Variants in PTPRA observed in about 807,000 individuals in gnomAD.
PTPRA encodes the protein receptor-type tyrosine-protein phosphatase alpha.
PTPRA carries 25 observed loss-of-function variants against 104.8 expected under a neutral mutation model. The ratio of observed to expected loss-of-function variants is 0.24; its 90% CI spans 0.17 to 0.33. The LOEUF is 0.33. Among genes scored for constraint, PTPRA ranks in the 10% least tolerant of loss-of-function variants. The probability of loss-of-function intolerance (pLI) is 1.00; values close to 1 mark genes in which losing one functional copy is unlikely to be tolerated. For missense variants in PTPRA, 765 were observed against 1,015.3 expected, an observed-to-expected ratio of 0.75 and a Z score of 3.35; for synonymous variants, 323 against 368.9, an observed-to-expected ratio of 0.88 and a Z score of 1.43.
At chr20:3,008,740 AAAAAC>A (rs2063996905) in intron 11 of PTPRA, among the ~76,000 whole-genome samples, 5 of 118,894 alleles carry the variant, frequency 4.2e-5, no homozygotes, top group South Asian at 2.6e-4. Flanking sequence ...AAAAAAAAAA[AAAAAC>A]AAAAAAAAAA....
chr20:2,878,347 G>T (rs1371585974), intron 1 of PTPRA, among the ~76,000 whole-genome samples: 1 of 151,728 alleles, frequency 6.6e-6, no homozygotes, highest in Non-Finnish European at 1.5e-5. Flanking sequence ...TGAATAGCTG[G>T]GACTGCACAG....
intron 11 of PTPRA, among the ~76,000 whole-genome samples, chr20:3,009,722 C>A (rs1351673237): frequency 6.6e-6 from 1 of 151,978 alleles, no homozygotes; most frequent in Non-Finnish European, 1.5e-5. Context: ...GAACTTACAT[C>A]GAAGATCATG....
At chr20:3,002,596 G>A (rs2063684986) in intron 9 of PTPRA, among the ~76,000 whole-genome samples, 1 of 152,026 alleles carries the variant, frequency 6.6e-6, no homozygotes, top group South Asian at 2.1e-4. Context: ...CAAAGTGCTG[G>A]GATTACAGGC....
At chr20:2,866,534 A>G in the PTPRA span, 20 of 1,614,196 alleles carry the variant, frequency 1.2e-5, no homozygotes, top group Non-Finnish European at 1.7e-5. Flanking sequence ...GCCACAGCTG[A>G]CAAGATTCAA....
At chr20:3,026,816 C>G (rs1479775839) in intron 18 of PTPRA, 36 bp downstream of exon 18, 1 of 1,511,916 alleles carries the variant, frequency 6.6e-7, no homozygotes, top group Admixed American at 1.7e-5. Context: ...GCCTTATTGC[C>G]CCATCCCTCA....
intron 12 of PTPRA, among the ~76,000 whole-genome samples, chr20:3,016,308 C>T (rs1207471693): frequency 6.6e-6 from 1 of 152,204 alleles, no homozygotes; most frequent in East Asian, 1.9e-4. Context: ...CACCATTATT[C>T]ACAGATAGTT....
chr20:2,999,655 T>TG (rs1226910453), intron 9 of PTPRA, among the ~76,000 whole-genome samples: 1 of 152,110 alleles, frequency 6.6e-6, no homozygotes, highest in Non-Finnish European at 1.5e-5. Context: ...GGTAACCCTG[T>TG]GGGAATAAAT....
chr20:2,874,455 C>T (rs117720237), intron 1 of PTPRA, among the ~76,000 whole-genome samples: 2,157 of 151,704 alleles, frequency 0.014, 33 homozygotes, highest in Non-Finnish European at 0.022. Flanking sequence ...TTTGAGATCA[C>T]TGATGATATT....
rs771299371 is a variant in PTPRA at position 2,922,610 on chromosome 20, G to A, written c.-128-597G>A. Among the ~76,000 whole-genome samples the A allele has an allele frequency of 3.6e-4, 54 of 151,960 alleles. 2 individuals carry two copies. The highest frequency in any genetic ancestry group is 1.2e-4 in the Non-Finnish European group (8 of 68,018). ...GCCTGCCTCGGCCTCCCAAAGTGCT[G>A]GGATTATAGGCATGAGCCACCGCAC... On this transcript the variant is annotated intron_variant, in intron 1 of 23. Coordinates refer to ENST00000399903, the MANE Select transcript of PTPRA (RefSeq NM_001385305.1).
chr20:2,988,022 T>A lies in PTPRA; in HGVS notation c.528-10T>A. The A allele has an allele frequency of 6.5e-7, 1 of 1,548,604 alleles. No individual in the cohort carries two copies. Among genetic ancestry groups the A allele is most frequent in the Non-Finnish European group, 8.9e-7 (1 of 1,120,396 alleles). On this transcript the variant is annotated splice_polypyrimidine_tract_variant and intron_variant, in intron 7 of 23. Coordinates refer to ENST00000399903, the MANE Select transcript of PTPRA (RefSeq NM_001385305.1). ...TGCTCCATTCTTCACTGTGATCATT[T>A]TCTCATTAGGTTTAAGAAATACAAG...
At chr20:2,997,136 ATATG>A (rs1226167822) in intron 9 of PTPRA, among the ~76,000 whole-genome samples, 3 of 48,422 alleles carry the variant, frequency 6.2e-5, no homozygotes, top group Non-Finnish European at 1.2e-4. Flanking sequence ...GTGAGAAAAC[ATATG>A]TGGGATAATT....
chr20:2,892,179 A>C (rs1320951313), intron 1 of PTPRA, among the ~76,000 whole-genome samples: 1 of 150,722 alleles, frequency 6.6e-6, no homozygotes, highest in Non-Finnish European at 1.5e-5. Flanking sequence ...AATCCTAGCT[A>C]CTCTGGAGGC....
In PTPRA at chr20:2,960,298, G is replaced by A. The variant is rs569121851; in HGVS notation, c.-6-3974G>A. ...GGAGTCTCACTCTGTCCCCCAGGCC[G>A]GAGTGCAGTGGCGCCATCTTGGGTC... On this transcript the variant is annotated intron_variant, in intron 3 of 23. Transcript: ENST00000399903. Among the ~76,000 whole-genome samples the A allele has an allele frequency of 2.0e-4, 29 of 146,630 alleles. No homozygotes were observed. The South Asian group carries it at 2.0e-3, about 10-fold the overall frequency.
At chr20:2,937,659 T>G (rs1436709499) in intron 2 of PTPRA, among the ~76,000 whole-genome samples, 2 of 152,172 alleles carry the variant, frequency 1.3e-5, no homozygotes, top group Non-Finnish European at 2.9e-5. Context: ...TTTCCATTGC[T>G]TTTTCTTTAC....
chr20:2,926,576 G>A (rs1241281154), intron 2 of PTPRA, among the ~76,000 whole-genome samples: 1 of 151,938 alleles, frequency 6.6e-6, no homozygotes, highest in African/African-American at 2.4e-5. Flanking sequence ...CTGAGTAGGG[G>A]GTTACAATTT....
chr20:2,865,443 G>C, the PTPRA span: 1 of 1,614,176 alleles, frequency 6.2e-7, no homozygotes, highest in Non-Finnish European at 8.5e-7. This position sits in a 1 kb window ranked among gnomAD's most constrained non-coding sequence, Gnocchi z 5.2. Context: ...TTGGAAGATT[G>C]GGAAGAGCTA....
At chr20:2,909,622 G>A (rs934839174) in intron 1 of PTPRA, among the ~76,000 whole-genome samples, 2 of 150,942 alleles carry the variant, frequency 1.3e-5, no homozygotes, top group African/African-American at 2.4e-5. Context: ...ACAAAAGATT[G>A]TCTGAAGCCA....
intron 20 of PTPRA, among the ~76,000 whole-genome samples, chr20:3,032,278 C>T (rs528289080): frequency 1.1e-4 from 17 of 152,302 alleles, no homozygotes; most frequent in Non-Finnish European, 2.1e-4. Context: ...TTCCGTCCTG[C>T]CTGCTCAGGG....
chr20:2,875,102 A>C (rs963000247), intron 1 of PTPRA, among the ~76,000 whole-genome samples: 1 of 151,736 alleles, frequency 6.6e-6, no homozygotes, highest in African/African-American at 2.4e-5. Context: ...ATTCTTTCCA[A>C]TCTCTTCTCT....
Sources: gnomAD v4.1 joint callset for allele counts (sites outside exome capture counted in the v4.1 genomes callset) on GRCh38, gnomAD v4.1.1 for gene constraint, Gnocchi (gnomAD v3.1) non-coding constraint, MANE v1.5 for transcripts, NCBI Gene and HGNC (gene_info 2026-07-23, HGNC 2026-07-21) for gene names.